NKAIN2: variants seen among roughly 807,000 people sequenced by gnomAD.
NKAIN2 encodes the protein sodium/potassium transporting ATPase interacting 2.
In NKAIN2, 14 loss-of-function variants were observed where a neutral mutation model predicts 32.6. That is an observed-to-expected ratio of 0.43 (90% CI 0.28 to 0.67). The LOEUF (loss-of-function observed/expected upper bound fraction) is 0.67. Among genes scored for constraint, NKAIN2 ranks in the 30% least tolerant of loss-of-function variants. NKAIN2 has a pLI of 0.17. For synonymous variants in NKAIN2, 80 were observed against 87.2 expected, an observed-to-expected ratio of 0.92 and a Z score of 0.46; for missense variants, 198 against 258.3, an observed-to-expected ratio of 0.77 and a Z score of 1.60.
chr6:123,974,420 TC>T (rs1380113979), intron 1 of NKAIN2, among the ~76,000 whole-genome samples: 2 of 152,174 alleles, frequency 1.3e-5, no homozygotes, highest in Non-Finnish European at 2.9e-5. Context: ...AATGATTGTA[TC>T]AGTTAAAATA....
chr6:123,950,066 A>T (rs2114580917), intron 1 of NKAIN2, among the ~76,000 whole-genome samples: 1 of 151,998 alleles, frequency 6.6e-6, no homozygotes, highest in Middle Eastern at 3.4e-3. Context: ...TTTGTTCCTC[A>T]TCCTGTTGAT....
chr6:124,266,994 G>A (rs1794522630), intron 1 of NKAIN2, among the ~76,000 whole-genome samples: 1 of 151,590 alleles, frequency 6.6e-6, no homozygotes, highest in Admixed American at 6.6e-5. Flanking sequence ...GTGATAAAGA[G>A]ATTCTATAAA....
intron 1 of NKAIN2, among the ~76,000 whole-genome samples, chr6:124,085,907 GA>G (rs1299014761): frequency 6.6e-6 from 1 of 151,714 alleles, no homozygotes; most frequent in Non-Finnish European, 1.5e-5. Context: ...TTTTTTCTTA[GA>G]TGTAAGTACA....
chr6:124,036,518 C>A (rs1292792264), intron 1 of NKAIN2, among the ~76,000 whole-genome samples: 2 of 152,028 alleles, frequency 1.3e-5, no homozygotes, highest in African/African-American at 4.8e-5. Flanking sequence ...ATCTTTAGAA[C>A]CAAGAATCTT....
chr6:124,661,708 A>G (rs1784752055), intron 4 of NKAIN2, among the ~76,000 whole-genome samples: 1 of 152,116 alleles, frequency 6.6e-6, no homozygotes, highest in Non-Finnish European at 1.5e-5. Context: ...CTCCAGCCAT[A>G]TTTTCTTCTG....
At chr6:124,799,407 TTTTC>T (rs1780154837) in intron 5 of NKAIN2, among the ~76,000 whole-genome samples, 1 of 152,202 alleles carries the variant, frequency 6.6e-6, no homozygotes, top group South Asian at 2.1e-4. Context: ...TCACTTCTTA[TTTTC>T]TTTCTTTTCT....
intron 1 of NKAIN2, among the ~76,000 whole-genome samples, chr6:123,849,116 C>A (rs1281761417): frequency 6.6e-6 from 1 of 152,168 alleles, no homozygotes; most frequent in Non-Finnish European, 1.5e-5. Flanking sequence ...TCCGGGAATC[C>A]TACACTGATC....
chr6:124,319,436 T>C (rs1454278881), intron 2 of NKAIN2, among the ~76,000 whole-genome samples: 1 of 152,082 alleles, frequency 6.6e-6, no homozygotes, highest in Non-Finnish European at 1.5e-5. Context: ...TAACAGAGCA[T>C]TTCAAGACTT....
chr6:124,346,162 C>G (rs1214476793), intron 2 of NKAIN2, among the ~76,000 whole-genome samples: 3 of 152,080 alleles, frequency 2.0e-5, no homozygotes, highest in African/African-American at 2.4e-5. Flanking sequence ...GTTTCTTAAT[C>G]CTGAGTTCTA....
At position 124,459,902 on chromosome 6, in the gene NKAIN2, C is replaced by T. The variant is rs1776466680; in HGVS notation, c.273+104555C>T. Among the ~76,000 whole-genome samples the T allele has an allele frequency of 5.3e-5, 8 of 151,812 alleles. No homozygotes were observed. The South Asian group carries it at 1.5e-3, about 28-fold the overall frequency. ...TTATTGTCATTACTGATATTAGTGA[C>T]CATTTATTTTACGTAGATGTATATG... On this transcript the variant is annotated intron_variant, in intron 3 of 6. Coordinates refer to ENST00000368417, the MANE Select transcript of NKAIN2 (RefSeq NM_001040214.3).
intron 3 of NKAIN2, among the ~76,000 whole-genome samples, chr6:124,421,074 TAAAAAA>T (rs35625714): frequency 7.5e-6 from 1 of 133,728 alleles, no homozygotes. Context: ...CTGTCAAAAT[TAAAAAA>T]AAAAAAAAAA....
At chr6:124,362,593 CAT>C (rs1381066033) in intron 3 of NKAIN2, among the ~76,000 whole-genome samples, 1 of 152,092 alleles carries the variant, frequency 6.6e-6, no homozygotes, top group Non-Finnish European at 1.5e-5. Context: ...CATCTTTACA[CAT>C]ATGTCTACCA....
At chr6:124,529,689 C>A (rs990833170) in intron 3 of NKAIN2, among the ~76,000 whole-genome samples, 3 of 152,022 alleles carry the variant, frequency 2.0e-5, no homozygotes, top group Non-Finnish European at 4.4e-5. Context: ...GTGGTCTTTG[C>A]AGAAAAAGGA....
intron 1 of NKAIN2, among the ~76,000 whole-genome samples, chr6:124,080,870 A>G (rs1342231131): frequency 1.3e-5 from 2 of 152,166 alleles, no homozygotes; most frequent in Admixed American, 1.3e-4. Flanking sequence ...ATCTAATACC[A>G]TGTCATATTA....
intron 1 of NKAIN2, among the ~76,000 whole-genome samples, chr6:124,087,813 T>G (rs373837631): frequency 1.3e-5 from 2 of 152,158 alleles, no homozygotes; most frequent in African/African-American, 4.8e-5. Context: ...TAGACATGGA[T>G]AGTTGGCATA....
chr6:124,405,568 C>G (rs1212401590), intron 3 of NKAIN2, among the ~76,000 whole-genome samples: 1 of 143,026 alleles, frequency 7.0e-6, no homozygotes, highest in Non-Finnish European at 1.5e-5. Context: ...TTGTGGAGAA[C>G]AGGGTCTCAC....
intron 1 of NKAIN2, among the ~76,000 whole-genome samples, chr6:123,979,243 C>T (rs138468944): frequency 0.013 from 1,964 of 152,062 alleles, 36 homozygotes; most frequent in African/African-American, 0.045. Flanking sequence ...CAATTTAAAA[C>T]CTTGGAATTA....
At chr6:123,828,505 C>G (rs1159423725) in intron 1 of NKAIN2, among the ~76,000 whole-genome samples, 2 of 152,148 alleles carry the variant, frequency 1.3e-5, no homozygotes, top group Non-Finnish European at 2.9e-5. Flanking sequence ...TAAGCAACTC[C>G]TAAAAGCCTA....
rs1004038068 is a variant in NKAIN2, at chr6:124,209,347, A to C, written c.55-73658A>C. Among the ~76,000 whole-genome samples, 7 of 151,780 alleles carry C rather than the reference A, an allele frequency of 4.6e-5. No homozygotes were observed. The East Asian group carries it at 1.4e-3, about 29-fold the overall frequency. On this transcript the variant is annotated intron_variant, in intron 1 of 6. Coordinates refer to ENST00000368417, the MANE Select transcript of NKAIN2 (RefSeq NM_001040214.3). ...TAATATTTCATTGTATATACTTACC[A>C]CATTTTTTATGCATTCATGGACACT... is the stretch of plus-strand genomic sequence containing the variant.
Sources: allele counts gnomAD v4.1 joint callset (sites outside exome capture counted in the v4.1 genomes callset), GRCh38; gene constraint gnomAD v4.1.1; transcripts MANE v1.5; gene names NCBI Gene and HGNC (gene_info 2026-07-23, HGNC 2026-07-21).